The following DOCK8 variants were observed in gnomAD, a reference collection of about 807,000 sequenced individuals.
DOCK8 encodes the protein dedicator of cytokinesis protein 8.
A neutral mutation model predicts 245.6 loss-of-function variants in DOCK8; 141 were observed. The ratio of observed to expected loss-of-function variants is 0.57; its 90% confidence interval spans 0.50 to 0.66. DOCK8 has a LOEUF of 0.66. Ranked by LOEUF, DOCK8 falls within the 30% of genes least tolerant of loss-of-function variation. DOCK8 has a pLI of 0.00. For missense variants in DOCK8, 2,965 were observed against 2,603.4 expected (o/e 1.14, Z -3.02); for synonymous variants, 1,168 against 970.2 (o/e 1.20, Z -3.79).
intron 1 of DOCK8, among the ~76,000 whole-genome samples, chr9:223,511 T>C (rs1405787361): frequency 6.6e-6 from 1 of 152,172 alleles, no homozygotes; most frequent in East Asian, 1.9e-4. Context: ...TCTGGGGTCA[T>C]GCCACTAGGG....
chr9:243,340 G>A (rs192321528), intron 1 of DOCK8, among the ~76,000 whole-genome samples: 96 of 152,200 alleles, frequency 6.3e-4, no homozygotes, highest in Middle Eastern at 3.4e-3. Context: ...ATTGTGAATC[G>A]CACTGCAAAC....
chr9:458,586 G>A (rs149380140), intron 46 of DOCK8, among the ~76,000 whole-genome samples: 4 of 152,298 alleles, frequency 2.6e-5, no homozygotes, highest in African/African-American at 9.6e-5. Context: ...GAGGTGGGCG[G>A]ATCACTTGAG....
chr9:386,129 G>A (rs2053939666), intron 22 of DOCK8, among the ~76,000 whole-genome samples: 2 of 152,114 alleles, frequency 1.3e-5, no homozygotes, highest in African/African-American at 4.8e-5. Context: ...CTATTAACGG[G>A]TGTTGTCTCA....
chr9:305,455 T>G (rs1046971174), intron 5 of DOCK8, among the ~76,000 whole-genome samples: 1 of 151,926 alleles, frequency 6.6e-6, no homozygotes, highest in African/African-American at 2.4e-5. Flanking sequence ...GCTAATTTCT[T>G]TTTGTATTTT....
chr9:273,101 G>GTA (rs1472168066), intron 2 of DOCK8: 1 of 985,250 alleles, frequency 1.0e-6, no homozygotes, highest in African/African-American at 1.7e-5. Flanking sequence ...TCTTTCAAAG[G>GTA]TATGTTTTAC....
At chr9:407,580 A>G (rs2055495192) in intron 28 of DOCK8, among the ~76,000 whole-genome samples, 1 of 152,056 alleles carries the variant, frequency 6.6e-6, no homozygotes, top group African/African-American at 2.4e-5. Context: ...CCTCTTATCT[A>G]TCTGATTACT....
intron 28 of DOCK8, among the ~76,000 whole-genome samples, chr9:409,464 C>T (rs2055606481): frequency 6.6e-6 from 1 of 152,092 alleles, no homozygotes; most frequent in South Asian, 2.1e-4. Flanking sequence ...GTGCAAGAGT[C>T]TGAGTCATTT....
intron 6 of DOCK8, chr9:314,167 T>A (rs2050246163): frequency 6.6e-6 from 1 of 152,268 alleles, no homozygotes; most frequent in Admixed American, 6.5e-5. Context: ...AATCCAAATA[T>A]GATATTTTTA....
chr9:218,460 G>C (rs1201123491), intron 1 of DOCK8, among the ~76,000 whole-genome samples: 1 of 152,082 alleles, frequency 6.6e-6, no homozygotes, highest in Non-Finnish European at 1.5e-5. Context: ...TTTTGTTGCT[G>C]ACTTGCGTGC....
chr9:390,896 A>G (rs1279866522), intron 24 of DOCK8, among the ~76,000 whole-genome samples: 1 of 152,186 alleles, frequency 6.6e-6, no homozygotes, highest in Non-Finnish European at 1.5e-5. Context: ...TGCACATGGC[A>G]GCCAATACTA....
At chr9:356,318 G>A (rs1351119400) in intron 14 of DOCK8, among the ~76,000 whole-genome samples, 1 of 152,114 alleles carries the variant, frequency 6.6e-6, no homozygotes, top group African/African-American at 2.4e-5. Context: ...CACGAGGTCA[G>A]GAGATTGAGA....
Position 439,363 on chromosome 9 carries a change from A to G in DOCK8, c.5198A>G (p.Glu1733Gly). 2 of 1,613,302 alleles carry G rather than the reference A, an allele frequency of 1.2e-6. No homozygotes were observed. Among genetic ancestry groups the G allele is most frequent in the Non-Finnish European group, 1.7e-6 (2 of 1,179,872 alleles). ...GAGAGTGGCCTGGTAGGCCTCCTGGAGCAGGCCGCGGAGCTCTTCAGCACG... is the reference window on the plus strand; with the variant it reads ...GAGAGTGGCCTGGTAGGCCTCCTGGGGCAGGCCGCGGAGCTCTTCAGCACG... ...FTESGLVGLL[E>G]QAAELFSTGG... The change falls in exon 40 of 48, where the codon GAG (glutamate) becomes GGG (glycine). Residue 1733 changes from glutamate to glycine, a missense_variant. Physicochemically the swap from Glu to Gly is moderately conservative, Grantham distance 98. Coordinates refer to ENST00000432829, the MANE Select transcript of DOCK8 (RefSeq NM_203447.4).
At chr9:257,211 A>AG (rs1364818901) in intron 1 of DOCK8, among the ~76,000 whole-genome samples, 4 of 152,234 alleles carry the variant, frequency 2.6e-5, no homozygotes, top group Non-Finnish European at 4.4e-5. Flanking sequence ...TGATTATTTG[A>AG]GGGCACATTA....
intron 14 of DOCK8, among the ~76,000 whole-genome samples, chr9:343,917 G>A (rs143280879): frequency 8.5e-5 from 13 of 152,154 alleles, no homozygotes; most frequent in Admixed American, 2.6e-4. Flanking sequence ...TTCTCTACTC[G>A]TTCCTGCAAA....
intron 10 of DOCK8, 32 bp from the exon 11 acceptor site, chr9:334,193 G>C (rs1177697976): frequency 9.9e-6 from 16 of 1,613,686 alleles, no homozygotes; most frequent in Non-Finnish European, 1.4e-5. Context: ...GCTGATGCTT[G>C]TTTCAGCTTG....
intron 37 of DOCK8, 43 bp from the exon 38 acceptor site, chr9:433,832 G>A: frequency 6.7e-7 from 1 of 1,487,264 alleles, no homozygotes; most frequent in East Asian, 2.3e-5. Flanking sequence ...CTTCACCTGG[G>A]ACTACAAAGC....
chr9:240,425 T>C (rs1014127062), intron 1 of DOCK8, among the ~76,000 whole-genome samples: 2 of 152,118 alleles, frequency 1.3e-5, no homozygotes, highest in East Asian at 3.9e-4. Flanking sequence ...TTGGTCCTAT[T>C]TGAGGCCATC....
intron 39 of DOCK8, 40 bp downstream of exon 39, chr9:435,015 C>T (rs1429217053): frequency 1.2e-6 from 2 of 1,606,010 alleles, no homozygotes; most frequent in African/African-American, 1.3e-5. Flanking sequence ...CAGTGGTTCT[C>T]AACTGGGGCG....
At chr9:344,332 T>G (rs16932430) in intron 14 of DOCK8, among the ~76,000 whole-genome samples, 33,659 of 152,150 alleles carry the variant, frequency 0.22, 12,435 homozygotes, top group African/African-American at 0.77. Flanking sequence ...TTCACAGAAT[T>G]TAGGAAGCAT....
Sources: gnomAD v4.1 joint callset for allele counts (sites outside exome capture counted in the v4.1 genomes callset) on GRCh38, gnomAD v4.1.1 for gene constraint, MANE v1.5 for transcripts, NCBI Gene and HGNC (gene_info 2026-07-23, HGNC 2026-07-21) for gene names.